LARGE1: variants seen among roughly 807,000 people sequenced by gnomAD.
The protein encoded by LARGE1 is xylosyl- and glucuronyltransferase LARGE1.
LARGE1 carries 43 observed loss-of-function variants against 87.6 expected under a neutral mutation model. That is an observed-to-expected ratio of 0.49 (90% CI 0.38 to 0.63). The LOEUF is 0.63. Ranked by LOEUF, LARGE1 falls within the 30% of genes least tolerant of loss-of-function variation. LARGE1 has a pLI of 0.00. For synonymous variants in LARGE1, 434 were observed against 394.6 expected (o/e 1.10, Z -1.18); for missense variants, 802 against 1,000.2 (o/e 0.80, Z 2.67).
At chr22:33,821,866 G>A (rs1448616659) in intron 1 of LARGE1, among the ~76,000 whole-genome samples, 4 of 150,904 alleles carry the variant, frequency 2.7e-5, no homozygotes, top group African/African-American at 9.7e-5. Flanking sequence ...CTGCCCAAGT[G>A]CATTAAAAAC....
chr22:33,678,739 G>A (rs1278900557), intron 2 of LARGE1, among the ~76,000 whole-genome samples: 1 of 152,212 alleles, frequency 6.6e-6, no homozygotes, highest in Non-Finnish European at 1.5e-5. Context: ...CTCCACGAAT[G>A]AGAGCAGAGC....
At chr22:33,354,772 G>A (rs1454259622) in intron 9 of LARGE1, among the ~76,000 whole-genome samples, 2 of 152,158 alleles carry the variant, frequency 1.3e-5, no homozygotes, top group African/African-American at 2.4e-5. Flanking sequence ...TGAATTTTAG[G>A]AGGGATCCTT....
chr22:33,712,637 AGTGT>A (rs34754283), intron 2 of LARGE1, among the ~76,000 whole-genome samples: 4,165 of 134,636 alleles, frequency 0.031, 81 homozygotes, highest in African/African-American at 0.05. Context: ...TGAGGGGTAC[AGTGT>A]GTGTGTGTGT....
At chr22:33,581,683 G>A (rs1452823019) in intron 5 of LARGE1, among the ~76,000 whole-genome samples, 1 of 151,852 alleles carries the variant, frequency 6.6e-6, no homozygotes, top group Non-Finnish European at 1.5e-5. Context: ...GTGGTGGCAC[G>A]TGCCTGTAAT....
chr22:33,340,777 T>A (rs1243910373), intron 9 of LARGE1, among the ~76,000 whole-genome samples: 1 of 151,724 alleles, frequency 6.6e-6, no homozygotes, highest in East Asian at 1.9e-4. Context: ...AGGCATGCAA[T>A]CGTAAAGGGG....
chr22:33,806,225 C>T (rs1181687032), intron 1 of LARGE1, among the ~76,000 whole-genome samples: 1 of 152,160 alleles, frequency 6.6e-6, no homozygotes, highest in Non-Finnish European at 1.5e-5. Context: ...TCTTTCTCTG[C>T]CCTTTGCTAG....
intron 12 of LARGE1, among the ~76,000 whole-genome samples, chr22:33,301,726 C>T (rs1934171097): frequency 1.3e-5 from 2 of 152,150 alleles, no homozygotes; most frequent in Non-Finnish European, 2.9e-5. Context: ...TGAGGGGAAC[C>T]ACATACCTTC....
intron 6 of LARGE1, among the ~76,000 whole-genome samples, chr22:33,545,947 G>C (rs1033928988): frequency 6.6e-6 from 1 of 152,176 alleles, no homozygotes; most frequent in African/African-American, 2.4e-5. Context: ...CTCTGCCTTA[G>C]TTCAGGCCAT....
the LARGE1 span, among the ~76,000 whole-genome samples, chr22:33,133,710 G>A: frequency 6.6e-6 from 1 of 152,094 alleles, no homozygotes; most frequent in Admixed American, 6.5e-5. Context: ...TGGGATTGCT[G>A]GGTCAAATGG....
intron 6 of LARGE1, among the ~76,000 whole-genome samples, chr22:33,452,742 G>T (rs938078199): frequency 6.6e-6 from 1 of 152,154 alleles, no homozygotes; most frequent in African/African-American, 2.4e-5. Context: ...GAAACAACAC[G>T]CTCCCTTAGC....
At chr22:33,236,104 G>T (rs761735945) in intron 11 of LARGE1, among the ~76,000 whole-genome samples, 3 of 152,118 alleles carry the variant, frequency 2.0e-5, no homozygotes, top group African/African-American at 4.8e-5. Flanking sequence ...CTGGAGAGAG[G>T]CATGGAACAG....
At chr22:33,412,885 TC>T (rs943117158) in intron 7 of LARGE1, among the ~76,000 whole-genome samples, 2 of 152,226 alleles carry the variant, frequency 1.3e-5, no homozygotes, top group African/African-American at 2.4e-5. Flanking sequence ...GGTCTCGATA[TC>T]TTGGCCTCAG....
intron 4 of LARGE1, among the ~76,000 whole-genome samples, chr22:33,625,983 T>C (rs1388314680): frequency 1.3e-5 from 2 of 152,220 alleles, no homozygotes; most frequent in East Asian, 3.9e-4. Context: ...ATAGAGAGAC[T>C]GAAGCATCAG....
intron 6 of LARGE1, among the ~76,000 whole-genome samples, chr22:33,545,965 C>A (rs2077351100): frequency 6.6e-6 from 1 of 152,196 alleles, no homozygotes; most frequent in Non-Finnish European, 1.5e-5. Context: ...CATGATCATT[C>A]CTTACATGAA....
chr22:33,142,603 C>T, the LARGE1 span, among the ~76,000 whole-genome samples: 1 of 152,118 alleles, frequency 6.6e-6, no homozygotes, highest in Non-Finnish European at 1.5e-5. Flanking sequence ...AGAGTAACCC[C>T]AAGGAAGAAA....
intron 1 of LARGE1, among the ~76,000 whole-genome samples, chr22:33,864,773 GGC>G (rs1247946497): frequency 6.6e-6 from 1 of 152,184 alleles, no homozygotes; most frequent in Admixed American, 6.5e-5. Flanking sequence ...AGAGGCCCGT[GGC>G]CACATTTTTC....
At chr22:33,801,815 T>C (rs8135273) in intron 1 of LARGE1, among the ~76,000 whole-genome samples, 20,841 of 152,114 alleles carry the variant, frequency 0.14, 1,624 homozygotes, top group Middle Eastern at 0.25. Flanking sequence ...ACCCCCCGCT[T>C]CCCCAGTGAC....
rs143226464 is a variant in LARGE1, at chr22:33,714,382, G to C, written c.106+46989C>G. Among the ~76,000 whole-genome samples the C allele has an allele frequency of 2.7e-3, 415 of 152,288 alleles. 1 individual carries two copies. Among genetic ancestry groups the C allele is most frequent in the African/African-American group, 9.5e-3 (396 of 41,564 alleles). ...TTCTCTGGCTGTGTACCATGGAGAC[G>C]TTCCTTACCCTCACTAAGCCTGAGG... On this transcript the variant is annotated intron_variant, in intron 2 of 14. Transcript: ENST00000397394.
chr22:33,119,390 C>T, the LARGE1 span, among the ~76,000 whole-genome samples: 3 of 152,146 alleles, frequency 2.0e-5, no homozygotes, highest in South Asian at 6.2e-4. Flanking sequence ...AGTGAAAGTG[C>T]ATATGAATAC....
Sources: allele counts gnomAD v4.1 joint callset (sites outside exome capture counted in the v4.1 genomes callset), GRCh38; gene constraint gnomAD v4.1.1; transcripts MANE v1.5; gene names NCBI Gene and HGNC (gene_info 2026-07-23, HGNC 2026-07-21).